ABR: variants seen among roughly 807,000 people sequenced by gnomAD.
The protein encoded by ABR is ABR activator of RhoGEF and GTPase, also known as active breakpoint cluster region-related protein.
Under a neutral mutation model 107.2 loss-of-function variants are expected in ABR, and 35 were observed. The observed-to-expected ratio is 0.33, with a 90% CI of 0.25 to 0.43. ABR has a LOEUF of 0.43. Ranked by LOEUF, ABR falls within the 20% of genes least tolerant of loss-of-function variation. ABR has a pLI of 1.00. For missense variants in ABR, 815 were observed against 1,115.2 expected (o/e 0.73, Z 3.83); for synonymous variants, 498 against 462.0 (o/e 1.08, Z -1.00).
rs550288071 is a variant in ABR, at chr17:1,057,758, G to C, written c.1381+212C>G. On this transcript the variant is annotated intron_variant, in intron 12 of 22. Coordinates refer to ENST00000302538, the MANE Select transcript of ABR (RefSeq NM_021962.5). Reference sequence around the variant, plus strand: ...AAGCCCAGGCTGGGCTCTGGGTCCAGTCCCAGGACTAAATCATCATGTCTT... The same window carrying C: ...AAGCCCAGGCTGGGCTCTGGGTCCACTCCCAGGACTAAATCATCATGTCTT... 3 of 532,266 alleles carry C rather than the reference G, an allele frequency of 5.6e-6. No homozygotes were observed. The East Asian group carries it at 9.9e-5, about 18-fold the overall frequency. 33.0% of individuals were successfully genotyped at this position (532,266 alleles called of 1,614,324 possible).
chr17:1,083,872 C>T (rs1405420047), intron 4 of ABR: 2 of 464,758 alleles, frequency 4.3e-6, no homozygotes, highest in Non-Finnish European at 3.9e-6. Context: ...GGAGACCAGG[C>T]TAGGGCCTTT....
chr17:1,040,096 G>A (rs1256745321), intron 16 of ABR, among the ~76,000 whole-genome samples: 3 of 152,184 alleles, frequency 2.0e-5, no homozygotes, highest in Non-Finnish European at 2.9e-5. Context: ...CCACGTTACC[G>A]GCCGTCGATC....
rs143054826 is a variant in ABR at position 1,061,405 on chromosome 17, G to C, written c.1183-2538C>G. ...ACCACCAGTTGGACCCTCTGTCCTA[G>C]GACATCCCCCAGCCCTGAACACTCC... On this transcript the variant is annotated intron_variant, in intron 10 of 22. Transcript: ENST00000302538. Among the ~76,000 whole-genome samples, 912 of 152,310 alleles carry C rather than the reference G, an allele frequency of 6.0e-3. 11 individuals are homozygous for C. The highest frequency in any genetic ancestry group is 0.019 in the African/African-American group (795 of 41,576).
At chr17:1,014,781 G>A (rs1212619250) in intron 16 of ABR, among the ~76,000 whole-genome samples, 2 of 151,956 alleles carry the variant, frequency 1.3e-5, no homozygotes, top group Non-Finnish European at 1.5e-5. Context: ...AGTAGGTGGA[G>A]GTTGCAGTGA....
At chr17:1,016,311 A>G (rs554391318) in intron 16 of ABR, among the ~76,000 whole-genome samples, 162 of 141,154 alleles carry the variant, frequency 1.1e-3, no homozygotes, top group African/African-American at 4.1e-3. Context: ...ACTGACCCCA[A>G]CGTTTCTTTT....
At position 1,013,185 on chromosome 17, in the gene ABR, TGAGA is replaced by T. The variant is rs751682209; in HGVS notation, c.1792-25_1792-22del. ...TCCAGCTGCAGAGAGAGAATGTGGG[TGAGA>T]GAGGTGCCAGCTCGGAGGCCAAGCC... On this transcript the variant is annotated intron_variant, in intron 16 of 22. Coordinates refer to ENST00000302538, the MANE Select transcript of ABR (RefSeq NM_021962.5). 282 of 1,612,952 alleles carry T rather than the reference TGAGA, an allele frequency of 1.7e-4. No individual in the cohort carries two copies. The Middle Eastern group carries it at 4.6e-3, about 26-fold the overall frequency.
chr17:1,028,553 C>T (rs1466296764), intron 16 of ABR, among the ~76,000 whole-genome samples: 1 of 152,240 alleles, frequency 6.6e-6, no homozygotes, highest in Non-Finnish European at 1.5e-5. Flanking sequence ...CTCCACCCCG[C>T]CCTTCCTCAG....
rs1279554135 is a variant in ABR at position 1,157,553 on chromosome 17, A to G, written c.61+22114T>C. Among the ~76,000 whole-genome samples the G allele has an allele frequency of 6.6e-6, 1 of 152,076 alleles. No homozygotes were observed. Among genetic ancestry groups the G allele is most frequent in the Non-Finnish European group, 1.5e-5 (1 of 68,002 alleles). Reference sequence around the variant, plus strand: ...GGCGTGAGCCACCGCGCCCGACCTCAGTGCACACAGTTCTAACATGCCTAG... The same window carrying G: ...GGCGTGAGCCACCGCGCCCGACCTCGGTGCACACAGTTCTAACATGCCTAG... On this transcript the variant is annotated intron_variant, in intron 1 of 22. Coordinates refer to ENST00000302538, the MANE Select transcript of ABR (RefSeq NM_021962.5). The surrounding 1 kb of genome is among the most constrained non-coding windows in gnomAD (Gnocchi z 4.7).
Position 1,100,902 on chromosome 17 carries a change from C to A in ABR, c.247-167G>T, listed in dbSNP as rs2037820347. ...AAAGTGGCACAATCTCGGCTCACTG[C>A]AACCTCCGCCTCCCGGGTTCCAGTG... On this transcript the variant is annotated intron_variant, in intron 2 of 22. Transcript: ENST00000302538. 2.8e-5 allele frequency: 18 copies of A among 634,706 alleles called. No homozygotes were observed. The East Asian group carries it at 4.7e-4, about 16-fold the overall frequency. The allele number at this position is 634,706 out of a possible 1,614,324, so 39.3% of individuals were successfully genotyped here.
At chr17:1,020,140 G>A (rs1213366520) in intron 16 of ABR, among the ~76,000 whole-genome samples, 1 of 152,244 alleles carries the variant, frequency 6.6e-6, no homozygotes, top group Non-Finnish European at 1.5e-5. Flanking sequence ...CTGGAGTGCA[G>A]TGGCGCGATC....
intron 1 of ABR, among the ~76,000 whole-genome samples, chr17:1,216,506 C>G (rs2043013094): frequency 6.6e-6 from 1 of 152,224 alleles, no homozygotes; most frequent in Non-Finnish European, 1.5e-5. Context: ...TGAAGGGGCC[C>G]GTCGGCTCTA....
intron 2 of ABR, among the ~76,000 whole-genome samples, chr17:1,107,054 G>A (rs577068462): frequency 2.8e-4 from 43 of 152,354 alleles, no homozygotes; most frequent in Non-Finnish European, 3.8e-4. Flanking sequence ...GGCCAATGCC[G>A]GTAGAGGAGG....
intron 2 of ABR, chr17:1,109,179 G>T: frequency 7.4e-7 from 1 of 1,357,094 alleles, no homozygotes; most frequent in African/African-American, 1.5e-5. Context: ...ACACCCGCGC[G>T]CCCGGCCTGG....
At chr17:1,188,066 T>C (rs1280016032), upstream of ABR, among the ~76,000 whole-genome samples, 1 of 149,676 alleles carries the variant, frequency 6.7e-6, no homozygotes, top group Non-Finnish European at 1.5e-5. Context: ...AAACACAAAA[T>C]TAGCCGGACA....
intron 3 of ABR, among the ~76,000 whole-genome samples, chr17:1,098,134 G>A (rs1403607365): frequency 2.0e-5 from 3 of 150,198 alleles, no homozygotes; most frequent in African/African-American, 4.9e-5. Flanking sequence ...GTGCAGTGGC[G>A]CAATCTCTGC....
intron 6 of ABR, among the ~76,000 whole-genome samples, chr17:1,077,221 T>C (rs561266621): frequency 6.6e-6 from 1 of 152,266 alleles, no homozygotes; most frequent in South Asian, 2.1e-4. Context: ...GGAGCGTTCT[T>C]GGAAAGAGTG....
intron 1 of ABR, among the ~76,000 whole-genome samples, chr17:1,217,239 T>TC (rs879707255): frequency 2.0e-5 from 3 of 151,902 alleles, no homozygotes; most frequent in Non-Finnish European, 4.4e-5. Flanking sequence ...CGCCTCACCG[T>TC]CCCCCCCAAG....
chr17:1,138,365 G>A (rs954485470), intron 1 of ABR, among the ~76,000 whole-genome samples: 3 of 152,150 alleles, frequency 2.0e-5, no homozygotes, highest in African/African-American at 4.8e-5. Context: ...CACTGAAGAT[G>A]TTCCATATCT....
upstream of ABR, among the ~76,000 whole-genome samples, chr17:1,180,549 G>A (rs1463245469): frequency 6.6e-6 from 1 of 152,220 alleles, no homozygotes; most frequent in African/African-American, 2.4e-5. Context: ...GGGGGCTGTG[G>A]GGCCAGGACA....
Sources: allele counts gnomAD v4.1 joint callset (sites outside exome capture counted in the v4.1 genomes callset), GRCh38; gene constraint gnomAD v4.1.1; non-coding constraint Gnocchi (gnomAD v3.1); transcripts MANE v1.5; gene names NCBI Gene and HGNC (gene_info 2026-07-23, HGNC 2026-07-21).